Variants in SIPA1L3 observed in about 807,000 individuals in gnomAD.
SIPA1L3 encodes the protein signal-induced proliferation-associated 1-like protein 3.
Under a neutral mutation model 150.1 loss-of-function variants are expected in SIPA1L3, and 59 were observed. The ratio of observed to expected loss-of-function variants is 0.39; its 90% confidence interval spans 0.32 to 0.49. The LOEUF (loss-of-function observed/expected upper bound fraction) is 0.49, where lower values mean the gene tolerates loss of function less well. Ranked by LOEUF, SIPA1L3 falls within the 20% of genes least tolerant of loss-of-function variation. The pLI, the probability that SIPA1L3 is intolerant of heterozygous loss-of-function variation, is 0.86. For missense variants in SIPA1L3, 2,211 were observed against 2,489.5 expected (o/e 0.89, Z 2.38); for synonymous variants, 1,070 against 1,077.6 (o/e 0.99, Z 0.14).
rs1358098716 is a variant in SIPA1L3 at position 38,082,328 on chromosome 19, G to A, written c.763G>A (p.Gly255Ser). The change falls in exon 3 of 22, where the codon GGC becomes AGC. Residue 255 changes from glycine (G) to serine (S), a missense_variant. This residue lies in a region of SIPA1L3 where 587 missense variants were observed against 534.5 expected (regional missense o/e 1.10). Transcript: ENST00000222345. ...DPGPHLMGGGGGAKGDSHNGQ... is the reference protein window; with the variant it reads ...DPGPHLMGGGSGAKGDSHNGQ... ...TGGCCCACACCTCATGGGGGGCGGC[G>A]GCGGAGCCAAGGGGGACTCCCACAA... 7 of 1,598,588 alleles carry A rather than the reference G, an allele frequency of 4.4e-6. No individual in the cohort carries two copies. The Admixed American group carries it at 6.7e-5, about 15-fold the overall frequency.
chr19:38,120,189 T>A (rs1970984573), intron 9 of SIPA1L3, among the ~76,000 whole-genome samples: 1 of 152,030 alleles, frequency 6.6e-6, no homozygotes, highest in South Asian at 2.1e-4. Context: ...CCAGGCGCCA[T>A]GGCTCATACC....
At chr19:37,949,597 G>A (rs1030369966) in intron 1 of SIPA1L3, among the ~76,000 whole-genome samples, 4 of 151,342 alleles carry the variant, frequency 2.6e-5, no homozygotes, top group Non-Finnish European at 4.4e-5. Flanking sequence ...CCTGGGAAGC[G>A]GAGGTTGCGG....
rs773820716 is a variant in SIPA1L3, at chr19:37,966,164, G to T, written c.-379+58806G>T. Among the ~76,000 whole-genome samples the T allele has an allele frequency of 5.9e-4, 90 of 152,142 alleles. 1 individual carries two copies. The highest frequency in any genetic ancestry group is 2.6e-4 in the Admixed American group (4 of 15,254). ...TTTTTAATTCCACTTGGATTTTAAT[G>T]CTGCCCACTGCAGCCTTCATCCAGA... On this transcript the variant is annotated intron_variant, in intron 1 of 21. Coordinates refer to ENST00000222345, the MANE Select transcript of SIPA1L3 (RefSeq NM_015073.3).
chr19:38,123,205 C>T (rs143881052), intron 9 of SIPA1L3, among the ~76,000 whole-genome samples: 8 of 152,104 alleles, frequency 5.3e-5, no homozygotes, highest in African/African-American at 1.9e-4. Context: ...AAACTGAGGC[C>T]CAGAGATACC....
chr19:38,045,354 G>C (rs1969031072), intron 2 of SIPA1L3, among the ~76,000 whole-genome samples: 1 of 151,832 alleles, frequency 6.6e-6, no homozygotes, highest in African/African-American at 2.4e-5. Context: ...CTCCAGCCTG[G>C]GTGACAGAGT....
chr19:38,112,687 T>C (rs1467666584), intron 8 of SIPA1L3, among the ~76,000 whole-genome samples: 1 of 152,172 alleles, frequency 6.6e-6, no homozygotes, highest in South Asian at 2.1e-4. Context: ...GCTCTCCCTC[T>C]TTCCTTCATT....
chr19:38,036,420 A>G (rs892592575), intron 2 of SIPA1L3, among the ~76,000 whole-genome samples: 1 of 152,088 alleles, frequency 6.6e-6, no homozygotes, highest in African/African-American at 2.4e-5. Context: ...ATCCCTAAGG[A>G]GCGTGTGTCC....
intron 1 of SIPA1L3, among the ~76,000 whole-genome samples, chr19:37,948,721 G>A (rs1286052992): frequency 6.6e-6 from 1 of 152,138 alleles, no homozygotes; most frequent in East Asian, 1.9e-4. Context: ...AAGGCAGGTG[G>A]ATCCTAGATA....
At chr19:38,152,812 C>A in intron 12 of SIPA1L3, 28 bp from the exon 13 acceptor site, 1 of 1,594,482 alleles carries the variant, frequency 6.3e-7, no homozygotes, top group Non-Finnish European at 8.6e-7. Context: ...ATCTTTAACC[C>A]TGGGCACGTT....
Position 38,141,391 on chromosome 19 carries a change from C to A in SIPA1L3, c.3351C>A (p.Thr1117=), listed in dbSNP as rs745525965. 3 of 1,613,208 alleles carry A rather than the reference C, an allele frequency of 1.9e-6. No homozygotes were observed. The highest frequency in any genetic ancestry group is 2.2e-5 in the South Asian group (2 of 91,086). Residue 1117 remains threonine (T), a synonymous_variant, in exon 11 of 22, where the codon ACC becomes ACA. Transcript: ENST00000222345. ...CCCTGAGCCGGCCCCTGAAGCAGAC[C>A]CCCATAGTCCCCTTCCGGGAGTCCC... ...AQSLSRPLKQ[T]PIVPFRESQP...
chr19:38,000,143 G>A (rs202123801), intron 1 of SIPA1L3, among the ~76,000 whole-genome samples: 1 of 129,212 alleles, frequency 7.7e-6, no homozygotes, highest in Non-Finnish European at 1.7e-5. Flanking sequence ...ATCATATCCT[G>A]TTGTAATGGG....
At chr19:38,028,345 C>T (rs1428135467) in intron 1 of SIPA1L3, among the ~76,000 whole-genome samples, 4 of 152,182 alleles carry the variant, frequency 2.6e-5, no homozygotes, top group Non-Finnish European at 4.4e-5. Context: ...TCACCCCGTG[C>T]CAGCTCCATG....
intron 15 of SIPA1L3, among the ~76,000 whole-genome samples, chr19:38,180,591 A>G (rs1339382918): frequency 7.0e-6 from 1 of 142,640 alleles, no homozygotes; most frequent in Non-Finnish European, 1.5e-5. Flanking sequence ...GTTGGAGTGC[A>G]ACGGCATAAT....
At chr19:38,079,149 G>A (rs571858939) in intron 2 of SIPA1L3, among the ~76,000 whole-genome samples, 5 of 152,280 alleles carry the variant, frequency 3.3e-5, no homozygotes, top group South Asian at 4.2e-4. Flanking sequence ...TGGCTAACAC[G>A]GTGAAACCCT....
intron 1 of SIPA1L3, among the ~76,000 whole-genome samples, chr19:38,000,326 G>A (rs1967751501): frequency 1.3e-5 from 2 of 151,832 alleles, no homozygotes; most frequent in African/African-American, 4.8e-5. Context: ...AAATTAGCTG[G>A]GCGTGGTGGT....
At chr19:38,089,328 C>CAAAAA (rs55806031) in intron 4 of SIPA1L3, among the ~76,000 whole-genome samples, 2 of 64,274 alleles carry the variant, frequency 3.1e-5, no homozygotes, top group African/African-American at 5.1e-5. Context: ...GACTGTGTCT[C>CAAAAA]AAAAAAAAAA....
rs751701948 is a variant in SIPA1L3, at chr19:38,081,657, CAG to C, written c.93_94del (p.Asp33LeufsTer147). ...GGCGATGTCCTCCCTGGGCCACACACAGGGGACTACGCTCCCTTGGGATTCTG... is the reference window on the plus strand; with the variant it reads ...GGCGATGTCCTCCCTGGGCCACACACGGGACTACGCTCCCTTGGGATTCTG... On this transcript the variant is annotated frameshift_variant, in exon 3 of 22. Coordinates refer to ENST00000222345, the MANE Select transcript of SIPA1L3 (RefSeq NM_015073.3). LOFTEE classifies it high-confidence loss of function. The C allele has an allele frequency of 6.2e-7, 1 of 1,611,890 alleles. No homozygotes were observed. Among genetic ancestry groups the C allele is most frequent in the Non-Finnish European group, 8.5e-7 (1 of 1,179,372 alleles).
At chr19:38,157,053 G>A (rs949587370) in intron 13 of SIPA1L3, among the ~76,000 whole-genome samples, 15 of 151,940 alleles carry the variant, frequency 9.9e-5, no homozygotes, top group African/African-American at 3.6e-4. Flanking sequence ...GGTCCCAGCT[G>A]CTCAAGAGGC....
intron 1 of SIPA1L3, among the ~76,000 whole-genome samples, chr19:38,012,491 C>A (rs1968127493): frequency 6.6e-6 from 1 of 152,150 alleles, no homozygotes; most frequent in Non-Finnish European, 1.5e-5. Context: ...CAGCCCAGCT[C>A]AGGCCAGAGT....
Sources: allele counts gnomAD v4.1 joint callset (sites outside exome capture counted in the v4.1 genomes callset), GRCh38; gene constraint gnomAD v4.1.1; regional missense constraint gnomAD v4.1.1; transcripts MANE v1.5; gene names NCBI Gene and HGNC (gene_info 2026-07-23, HGNC 2026-07-21).